The following NLGN1 variants were observed in gnomAD, a reference collection of about 807,000 sequenced individuals.
NLGN1 encodes neuroligin 1.
In NLGN1, 12 loss-of-function variants were observed where a neutral mutation model predicts 65.5. That is an observed-to-expected ratio of 0.18 (90% CI 0.12 to 0.30). The LOEUF is 0.30. NLGN1 is among the 10% of genes least tolerant of loss of function. NLGN1 has a pLI of 1.00. For missense variants in NLGN1, 750 were observed against 1,007.1 expected (o/e 0.74, Z 3.46); for synonymous variants, 350 against 359.5 (o/e 0.97, Z 0.30).
At position 173,869,378 on chromosome 3, in the gene NLGN1, A is replaced by G. The variant is rs189343831; in HGVS notation, c.646+61546A>G. 1.4e-4 allele frequency among the ~76,000 whole-genome samples: 22 copies of G among 152,322 alleles called. No homozygotes were observed. In the East Asian group the frequency reaches 4.0e-3, roughly 28 times the overall value. Reference sequence around the variant, plus strand: ...TCCATCAACTTAATGAAAATGATCAATAATCTTTAGCTTTGTGAGAGGATA... The same window carrying G: ...TCCATCAACTTAATGAAAATGATCAGTAATCTTTAGCTTTGTGAGAGGATA... On this transcript the variant is annotated intron_variant, in intron 4 of 6. Coordinates refer to ENST00000457714, the Ensembl canonical transcript of NLGN1.
chr3:173,877,697 C>A (rs143809272), intron 4 of NLGN1, among the ~76,000 whole-genome samples: 1,669 of 152,198 alleles, frequency 0.011, 34 homozygotes, highest in African/African-American at 0.035. Flanking sequence ...TTATCTCAAC[C>A]TTAAATTTTT....
At chr3:173,946,247 T>C (rs1475565246) in intron 4 of NLGN1, among the ~76,000 whole-genome samples, 2 of 152,202 alleles carry the variant, frequency 1.3e-5, no homozygotes, top group African/African-American at 2.4e-5. Flanking sequence ...TAATCAATCA[T>C]GCAGAGATAA....
chr3:174,020,094 G>C (rs79685737), intron 4 of NLGN1, among the ~76,000 whole-genome samples: 1 of 152,184 alleles, frequency 6.6e-6, no homozygotes, highest in East Asian at 1.9e-4. Context: ...TTTTTAAAAA[G>C]ATAAATAACT....
chr3:174,042,080 CT>C (rs1178466274), intron 4 of NLGN1, among the ~76,000 whole-genome samples: 3 of 151,854 alleles, frequency 2.0e-5, no homozygotes, highest in Non-Finnish European at 4.4e-5. Flanking sequence ...GATTATTGGA[CT>C]TTTTTATTAT....
intron 2 of NLGN1, among the ~76,000 whole-genome samples, chr3:173,473,687 A>G (rs1240279162): frequency 6.6e-6 from 1 of 152,194 alleles, no homozygotes; most frequent in Non-Finnish European, 1.5e-5. Flanking sequence ...TGTATAATAA[A>G]ACAATACGTT....
At chr3:174,023,180 G>A (rs1342666221) in intron 4 of NLGN1, among the ~76,000 whole-genome samples, 1 of 152,048 alleles carries the variant, frequency 6.6e-6, no homozygotes, top group African/African-American at 2.4e-5. Flanking sequence ...CATTGATTGG[G>A]TACCTATTGA....
chr3:173,633,781 G>C (rs980896254), intron 3 of NLGN1, among the ~76,000 whole-genome samples: 4 of 152,074 alleles, frequency 2.6e-5, no homozygotes, highest in African/African-American at 9.7e-5. Flanking sequence ...AAAACTCCCC[G>C]ATTCTCCTTA....
chr3:173,838,350 C>T (rs1724072910), intron 4 of NLGN1, among the ~76,000 whole-genome samples: 1 of 151,982 alleles, frequency 6.6e-6, no homozygotes, highest in African/African-American at 2.4e-5. Context: ...TACATTTACT[C>T]GTATTGCTTT....
intron 4 of NLGN1, among the ~76,000 whole-genome samples, chr3:174,036,543 A>G (rs1731161403): frequency 6.6e-6 from 1 of 150,604 alleles, no homozygotes; most frequent in Non-Finnish European, 1.5e-5. Context: ...AACACATTTT[A>G]TCTAGTGACT....
At position 173,847,213 on chromosome 3, in the gene NLGN1, T is replaced by C. The variant is rs187445004; in HGVS notation, c.646+39381T>C. 1.9e-4 allele frequency among the ~76,000 whole-genome samples: 29 copies of C among 152,308 alleles called. 1 individual carries two copies. Among genetic ancestry groups the C allele is most frequent in the Admixed American group, 1.6e-3 (25 of 15,298 alleles). ...TAAATATATTCTTGCCTTAAAAAAA[T>C]ACTGCAATGAGAAGCTTGTTTAAAA... On this transcript the variant is annotated intron_variant, in intron 4 of 6. Transcript: ENST00000457714.
At chr3:173,820,126 C>G (rs1260428418) in intron 4 of NLGN1, among the ~76,000 whole-genome samples, 1 of 144,114 alleles carries the variant, frequency 6.9e-6, no homozygotes, top group African/African-American at 2.5e-5. Context: ...TTGCAGTGAG[C>G]GGAGATGGCG....
At chr3:174,211,433 A>G (rs912142307) in intron 4 of NLGN1, among the ~76,000 whole-genome samples, 3 of 152,018 alleles carry the variant, frequency 2.0e-5, no homozygotes, top group Admixed American at 2.0e-4. Flanking sequence ...TCAAGGCCCC[A>G]CCAGAGCAGC....
chr3:173,647,444 T>A (rs1317273310), intron 3 of NLGN1, among the ~76,000 whole-genome samples: 1 of 152,070 alleles, frequency 6.6e-6, no homozygotes, highest in African/African-American at 2.4e-5. Context: ...ATATTCTGGA[T>A]CACAAAACAA....
Position 174,181,778 on chromosome 3 carries a change from TACAC to T in NLGN1, c.647-93511_647-93508del, listed in dbSNP as rs3035853. The stretch of plus-strand genomic sequence containing the variant: ...ACCCTGTCTCTCCAAAAAATAAAAA[TACAC>T]ACACACACACACACACACACACACA... On this transcript the variant is annotated intron_variant, in intron 4 of 6. Coordinates refer to ENST00000457714, the Ensembl canonical transcript of NLGN1. 1.9e-3 allele frequency among the ~76,000 whole-genome samples: 270 copies of T among 142,418 alleles called. 7 individuals are homozygous for T. The East Asian group carries it at 0.03, about 16-fold the overall frequency. The allele number at this position is 142,418 out of a possible 152,430, so 93.4% of individuals were successfully genotyped here.
intron 3 of NLGN1, among the ~76,000 whole-genome samples, chr3:173,756,981 C>T (rs1777232673): frequency 6.6e-6 from 1 of 151,898 alleles, no homozygotes; most frequent in Non-Finnish European, 1.5e-5. Flanking sequence ...AGCCAAACAA[C>T]AAATACCAAT....
intron 4 of NLGN1, among the ~76,000 whole-genome samples, chr3:173,929,981 G>A (rs1743784296): frequency 6.6e-6 from 1 of 152,052 alleles, no homozygotes; most frequent in Non-Finnish European, 1.5e-5. Flanking sequence ...TGGGATTATA[G>A]GCATAAGCCA....
intron 4 of NLGN1, among the ~76,000 whole-genome samples, chr3:173,974,713 A>G (rs578195476): frequency 6.6e-6 from 1 of 152,174 alleles, no homozygotes; most frequent in East Asian, 1.9e-4. Context: ...AATTTGTTAC[A>G]TATGTTGGCA....
chr3:173,684,596 G>A (rs1764423779), intron 3 of NLGN1, among the ~76,000 whole-genome samples: 1 of 152,162 alleles, frequency 6.6e-6, no homozygotes, highest in African/African-American at 2.4e-5. Flanking sequence ...TTTAAAATGT[G>A]TTGAAGTGGT....
intron 4 of NLGN1, among the ~76,000 whole-genome samples, chr3:173,946,957 A>G (rs75700174): frequency 0.015 from 2,258 of 152,140 alleles, 43 homozygotes; most frequent in African/African-American, 0.048. Flanking sequence ...GCTTCACCCA[A>G]TTCATGTGGA....
Sources: gnomAD v4.1 joint callset for allele counts (sites outside exome capture counted in the v4.1 genomes callset) on GRCh38, gnomAD v4.1.1 for gene constraint, MANE v1.5 for transcripts, NCBI Gene and HGNC (gene_info 2026-07-23, HGNC 2026-07-21) for gene names.